CNMD: variants seen among roughly 807,000 people sequenced by gnomAD.
The protein encoded by CNMD is leukocyte cell-derived chemotaxin 1.
CNMD carries 30 observed loss-of-function variants against 37.5 expected under a neutral mutation model. That is an observed-to-expected ratio of 0.80 (90% CI 0.60 to 1.09). The LOEUF is 1.09. Ranked by LOEUF, CNMD falls within the 50% of genes least tolerant of loss-of-function variation. The pLI, the probability that CNMD is intolerant of heterozygous loss-of-function variation, is 0.00. For missense variants in CNMD, 398 were observed against 423.9 expected (o/e 0.94, Z 0.54); for synonymous variants, 167 against 148.2 (o/e 1.13, Z -0.92).
chr13:52,735,260 G>T (rs922652582), intron 2 of CNMD, among the ~76,000 whole-genome samples: 1 of 152,150 alleles, frequency 6.6e-6, no homozygotes, highest in Non-Finnish European at 1.5e-5. Flanking sequence ...GTTCTGTCCG[G>T]TGCTCTCTGA....
At chr13:52,727,045 C>T (rs936225486) in intron 3 of CNMD, among the ~76,000 whole-genome samples, 10 of 151,830 alleles carry the variant, frequency 6.6e-5, no homozygotes, top group African/African-American at 1.2e-4. Flanking sequence ...GTGAGTGGAT[C>T]GCCTGAGGTC....
chr13:52,733,947 C>T lies in CNMD; in HGVS notation c.214-588G>A, dbSNP rs1171186877. 5.3e-5 allele frequency among the ~76,000 whole-genome samples: 8 copies of T among 152,062 alleles called. No homozygotes were observed. The South Asian group carries it at 1.0e-3, about 20-fold the overall frequency. ...TATATGGAAAGGACTGCAGACAGGA[C>T]CAGGGTATGCTTGATATAGAGCAGC... is the stretch of plus-strand genomic sequence containing the variant. On this transcript the variant is annotated intron_variant, in intron 2 of 6. Coordinates refer to ENST00000377962, the MANE Select transcript of CNMD (RefSeq NM_007015.3).
At chr13:52,712,914 CAA>C (rs1264887162) in intron 4 of CNMD, 45 bp from the exon 5 acceptor site, 3 of 1,438,562 alleles carry the variant, frequency 2.1e-6, no homozygotes, top group Non-Finnish European at 2.8e-6. Flanking sequence ...GACAGTGAAA[CAA>C]ATTGTATTAA....
rs1450645921 is a variant in CNMD, at chr13:52,739,080, A to G, written c.164T>C (p.Leu55Pro). 1.3e-6 allele frequency: 2 copies of G among 1,581,192 alleles called. No homozygotes were observed. Among genetic ancestry groups the G allele is most frequent in the African/African-American group, 1.4e-5 (1 of 70,830 alleles). Residue 55 changes from leucine to proline, a missense_variant, in exon 2 of 7, where the codon CTC becomes CCC. Physicochemically the swap from Leu to Pro is moderately conservative, Grantham distance 98. Coordinates refer to ENST00000377962, the MANE Select transcript of CNMD (RefSeq NM_007015.3). This position sits in a 1 kb window ranked among gnomAD's most constrained non-coding sequence, Gnocchi z 5.4. ...VVLISGAVLL[L>P]FGAIGAFYFW... ...GTAGAAGGCCCCGATGGCCCCAAAGAGCAGCAGCACAGCTCCCGAAATGAG... is the reference window on the plus strand; with the variant it reads ...GTAGAAGGCCCCGATGGCCCCAAAGGGCAGCAGCACAGCTCCCGAAATGAG...
intron 4 of CNMD, among the ~76,000 whole-genome samples, chr13:52,723,413 C>T (rs1964515303): frequency 6.6e-6 from 1 of 152,144 alleles, no homozygotes; most frequent in South Asian, 2.1e-4. Flanking sequence ...GTCTTAACCA[C>T]AGATCAGATA....
chr13:52,739,291 C>A lies in CNMD; in HGVS notation c.73-120G>T. The A allele has an allele frequency of 8.2e-7, 1 of 1,218,256 alleles. No homozygotes were observed. 75.5% of individuals were successfully genotyped at this position (1,218,256 alleles called of 1,614,324 possible). ...GTGGGGAGTCGGGCGGGAAACAGCT[C>A]GCCCGGGCTCCTACGGGTGCCCCTT... is the stretch of plus-strand genomic sequence containing the variant. On this transcript the variant is annotated intron_variant, in intron 1 of 6. Transcript: ENST00000377962. This position sits in a 1 kb window ranked among gnomAD's most constrained non-coding sequence, Gnocchi z 5.4.
intron 3 of CNMD, among the ~76,000 whole-genome samples, chr13:52,732,739 C>A (rs1049966372): frequency 6.6e-6 from 1 of 152,196 alleles, no homozygotes; most frequent in Non-Finnish European, 1.5e-5. Context: ...GCATTTTATT[C>A]ATCACGTTAC....
At position 52,739,492 on chromosome 13, in the gene CNMD, C is replaced by G. The variant is rs1013781999; in HGVS notation, c.72+138G>C. On this transcript the variant is annotated intron_variant, in intron 1 of 6. Coordinates refer to ENST00000377962, the MANE Select transcript of CNMD (RefSeq NM_007015.3). This position sits in a 1 kb window ranked among gnomAD's most constrained non-coding sequence, Gnocchi z 5.4. ...CACACTCATACGCGTGGGGCGACAT[C>G]CCACCCACACATTTGGGACCCAAAT... is the stretch of plus-strand genomic sequence containing the variant. 1.2e-4 allele frequency: 96 copies of G among 796,822 alleles called. No homozygotes were observed. The highest frequency in any genetic ancestry group is 1.3e-4 in the Non-Finnish European group (61 of 475,020). 49.4% of individuals were successfully genotyped at this position (796,822 alleles called of 1,614,324 possible). A position where few individuals can be genotyped will look rare whatever the true frequency, so the allele number is the denominator to read the frequency against.
chr13:52,736,161 T>G (rs1300398612), intron 2 of CNMD, among the ~76,000 whole-genome samples: 2 of 152,130 alleles, frequency 1.3e-5, no homozygotes, highest in Non-Finnish European at 2.9e-5. Context: ...GCCCAGCTAA[T>G]TTTTTTGTAT....
chr13:52,726,006 A>G (rs992653684), intron 3 of CNMD, among the ~76,000 whole-genome samples: 1 of 152,214 alleles, frequency 6.6e-6, no homozygotes, highest in African/African-American at 2.4e-5. Flanking sequence ...GGCTTAATTA[A>G]TCATGTATAC....
intron 4 of CNMD, among the ~76,000 whole-genome samples, chr13:52,714,610 G>T (rs906290544): frequency 6.6e-6 from 1 of 152,032 alleles, no homozygotes; most frequent in Non-Finnish European, 1.5e-5. Context: ...TTGAAATAAT[G>T]AAAAATTGAA....
At chr13:52,731,463 C>T (rs1395896971) in intron 3 of CNMD, among the ~76,000 whole-genome samples, 1 of 152,134 alleles carries the variant, frequency 6.6e-6, no homozygotes, top group Non-Finnish European at 1.5e-5. Flanking sequence ...CTTGTTTAAA[C>T]CCATAACAGG....
intron 3 of CNMD, among the ~76,000 whole-genome samples, chr13:52,732,465 A>G (rs548019965): frequency 5.9e-5 from 9 of 152,374 alleles, no homozygotes; most frequent in Admixed American, 5.2e-4. Flanking sequence ...TTGTTAAAAA[A>G]TCAAAACAAA....
Position 52,739,544 on chromosome 13 carries a change from G to T in CNMD, c.72+86C>A. On this transcript the variant is annotated intron_variant, in intron 1 of 6. Transcript: ENST00000377962. This position sits in a 1 kb window ranked among gnomAD's most constrained non-coding sequence, Gnocchi z 5.4. ...TATCCCCCCGCCAACACACCCATTCGGTGGCACGCACCCCTGAGTCCGAAC... is the reference window on the plus strand; with the variant it reads ...TATCCCCCCGCCAACACACCCATTCTGTGGCACGCACCCCTGAGTCCGAAC... 1.6e-6 allele frequency: 2 copies of T among 1,214,916 alleles called. No individual in the cohort carries two copies. Among genetic ancestry groups the T allele is most frequent in the South Asian group, 1.2e-5 (1 of 81,060 alleles). 75.3% of individuals were successfully genotyped at this position (1,214,916 alleles called of 1,614,324 possible). A position where few individuals can be genotyped will look rare whatever the true frequency, so the allele number is the denominator to read the frequency against.
intron 3 of CNMD, among the ~76,000 whole-genome samples, chr13:52,727,644 C>T (rs979075379): frequency 2.0e-5 from 3 of 151,954 alleles, no homozygotes; most frequent in Non-Finnish European, 2.9e-5. Context: ...ATGTCATTTC[C>T]AGTAACATGG....
At chr13:52,736,170 AT>A (rs1361930986) in intron 2 of CNMD, among the ~76,000 whole-genome samples, 2 of 151,950 alleles carry the variant, frequency 1.3e-5, no homozygotes, top group African/African-American at 4.8e-5. Context: ...ATTTTTTTGT[AT>A]TTTTAGTAGA....
At position 52,739,292 on chromosome 13, in the gene CNMD, GC is replaced by G; in HGVS notation, c.73-122del. ...TGGGGAGTCGGGCGGGAAACAGCTC[GC>G]CCGGGCTCCTACGGGTGCCCCTTTC... is the stretch of plus-strand genomic sequence containing the variant. On this transcript the variant is annotated intron_variant, in intron 1 of 6. Transcript: ENST00000377962. The surrounding 1 kb of genome is among the most constrained non-coding windows in gnomAD (Gnocchi z 5.4). 2 of 1,213,790 alleles carry G rather than the reference GC, an allele frequency of 1.6e-6. No individual in the cohort carries two copies. Among genetic ancestry groups the G allele is most frequent in the Non-Finnish European group, 1.1e-6 (1 of 912,860 alleles). The allele number at this position is 1,213,790 out of a possible 1,614,324, so 75.2% of individuals were successfully genotyped here.
At chr13:52,722,307 C>G (rs999272554) in intron 4 of CNMD, among the ~76,000 whole-genome samples, 3 of 152,194 alleles carry the variant, frequency 2.0e-5, no homozygotes, top group Non-Finnish European at 4.4e-5. Context: ...ACACCGCCTG[C>G]AGCTGCTCCT....
rs112131963 is a variant in CNMD at position 52,729,935 on chromosome 13, C to T, written c.354+3284G>A. On this transcript the variant is annotated intron_variant, in intron 3 of 6. Transcript: ENST00000377962. The stretch of plus-strand genomic sequence containing the variant: ...TGTTGGTGAGCTGCACCCATTAACT[C>T]GTCATTTAGCATTAGGTATATCTCC... Among the ~76,000 whole-genome samples, 7 of 151,582 alleles carry T rather than the reference C, an allele frequency of 4.6e-5. No individual in the cohort carries two copies. In the South Asian group the frequency reaches 6.3e-4, roughly 14 times the overall value.
Sources: allele counts gnomAD v4.1 joint callset (sites outside exome capture counted in the v4.1 genomes callset), GRCh38; gene constraint gnomAD v4.1.1; non-coding constraint Gnocchi (gnomAD v3.1); transcripts MANE v1.5; gene names NCBI Gene and HGNC (gene_info 2026-07-23, HGNC 2026-07-21).